ADAMTSL1: variants seen among roughly 807,000 people sequenced by gnomAD.
ADAMTSL1 encodes the protein ADAMTS like 1, also known as ADAMTS-like protein 1.
A neutral mutation model predicts 201.8 loss-of-function variants in ADAMTSL1; 126 were observed. The observed-to-expected ratio is 0.62, with a 90% CI of 0.54 to 0.72. The LOEUF is 0.72. Ranked by LOEUF, ADAMTSL1 falls within the 30% of genes least tolerant of loss-of-function variation. The probability of loss-of-function intolerance (pLI) is 0.00; values close to 1 mark genes in which losing one functional copy is unlikely to be tolerated. For missense variants in ADAMTSL1, 2,679 were observed against 2,277.8 expected (o/e 1.18, Z -3.59); for synonymous variants, 1,121 against 903.4 (o/e 1.24, Z -4.32).
intron 1 of ADAMTSL1, among the ~76,000 whole-genome samples, chr9:17,972,252 T>C (rs1380959096): frequency 7.2e-6 from 1 of 139,392 alleles, no homozygotes; most frequent in African/African-American, 2.6e-5. Context: ...CATGTTGGTG[T>C]GCTGCATCCA....
intron 2 of ADAMTSL1, among the ~76,000 whole-genome samples, chr9:18,458,060 A>C (rs1368477496): frequency 6.6e-6 from 1 of 152,178 alleles, no homozygotes. Flanking sequence ...CTTTCCTTTG[A>C]AGAAAGAAAT....
At chr9:18,113,131 T>G (rs1042454996) in intron 1 of ADAMTSL1, among the ~76,000 whole-genome samples, 1 of 152,068 alleles carries the variant, frequency 6.6e-6, no homozygotes, top group African/African-American at 2.4e-5. Context: ...AAGTAAGTCA[T>G]TTAGATACGA....
intron 20 of ADAMTSL1, among the ~76,000 whole-genome samples, chr9:18,805,787 C>G (rs1823076709): frequency 6.6e-6 from 1 of 152,204 alleles, no homozygotes; most frequent in Admixed American, 6.5e-5. Flanking sequence ...CAGGAAAACT[C>G]TGTCAGTCAT....
At chr9:18,179,043 C>T (rs1358826374) in intron 2 of ADAMTSL1, among the ~76,000 whole-genome samples, 3 of 152,226 alleles carry the variant, frequency 2.0e-5, no homozygotes, top group Non-Finnish European at 4.4e-5. Flanking sequence ...CTTTGACGAG[C>T]TGAGAGAAGA....
At chr9:18,770,912 C>A in intron 17 of ADAMTSL1, 131 bp downstream of exon 17, 2 of 1,000,810 alleles carry the variant, frequency 2.0e-6, no homozygotes, top group Non-Finnish European at 2.9e-6. Context: ...ATTTTTGTAA[C>A]CATATATACC....
chr9:18,268,965 A>G (rs1832245427), intron 2 of ADAMTSL1, among the ~76,000 whole-genome samples: 2 of 152,136 alleles, frequency 1.3e-5, no homozygotes, highest in African/African-American at 4.8e-5. Context: ...AAAGAACGCT[A>G]TTGTAAGCAA....
At chr9:18,330,928 G>C (rs1835004986) in intron 2 of ADAMTSL1, among the ~76,000 whole-genome samples, 1 of 152,194 alleles carries the variant, frequency 6.6e-6, no homozygotes, top group South Asian at 2.1e-4. Flanking sequence ...TGGATAAGCA[G>C]GATCTTGCTC....
intron 2 of ADAMTSL1, among the ~76,000 whole-genome samples, chr9:18,382,118 G>C (rs926035829): frequency 2.7e-5 from 4 of 150,208 alleles, no homozygotes; most frequent in Non-Finnish European, 5.9e-5. Flanking sequence ...AATTTTGACC[G>C]GGGGCAGGTA....
intron 14 of ADAMTSL1, among the ~76,000 whole-genome samples, chr9:18,714,106 A>G (rs1234598126): frequency 6.6e-6 from 1 of 152,246 alleles, no homozygotes; most frequent in Non-Finnish European, 1.5e-5. Flanking sequence ...GGCAGTGTGT[A>G]GAGGGAAATT....
At position 18,483,699 on chromosome 9, in the gene ADAMTSL1, T is replaced by C. The variant is rs188468839; in HGVS notation, c.63+9404T>C. Among the ~76,000 whole-genome samples, 1,194 of 152,060 alleles carry C rather than the reference T, an allele frequency of 7.9e-3. 15 individuals are homozygous for C. Among genetic ancestry groups the C allele is most frequent in the African/African-American group, 0.027 (1,128 of 41,464 alleles). On this transcript the variant is annotated intron_variant, in intron 1 of 28. Coordinates refer to ENST00000380548, the MANE Select transcript of ADAMTSL1 (RefSeq NM_001040272.6). ...AAAATTACCCGGGCATGGTGGCGGGTGCCTGTAGTCCCAGCTACTCGGGAT... is the reference window on the plus strand; with the variant it reads ...AAAATTACCCGGGCATGGTGGCGGGCGCCTGTAGTCCCAGCTACTCGGGAT...
At chr9:18,840,625 G>T (rs1825656029) in intron 23 of ADAMTSL1, among the ~76,000 whole-genome samples, 1 of 152,138 alleles carries the variant, frequency 6.6e-6, no homozygotes, top group African/African-American at 2.4e-5. Flanking sequence ...ATTACCTTTG[G>T]CAGTATGGAC....
intron 3 of ADAMTSL1, among the ~76,000 whole-genome samples, chr9:18,544,997 C>T (rs908890085): frequency 1.3e-5 from 2 of 152,170 alleles, no homozygotes; most frequent in African/African-American, 4.8e-5. Flanking sequence ...GCTAGCTCCA[C>T]GAGCTTAGGC....
intron 1 of ADAMTSL1, among the ~76,000 whole-genome samples, chr9:18,109,645 T>C (rs1824914203): frequency 6.6e-6 from 1 of 152,072 alleles, no homozygotes; most frequent in African/African-American, 2.4e-5. Flanking sequence ...AGATTCATGG[T>C]AATAACAAAA....
At chr9:17,997,463 A>G (rs1029744875) in intron 1 of ADAMTSL1, among the ~76,000 whole-genome samples, 5 of 152,232 alleles carry the variant, frequency 3.3e-5, no homozygotes, top group Non-Finnish European at 7.4e-5. Flanking sequence ...TAAACACTCT[A>G]GCCAGAAAAT....
intron 2 of ADAMTSL1, among the ~76,000 whole-genome samples, chr9:18,358,829 A>G (rs1299836429): frequency 6.6e-6 from 1 of 152,172 alleles, no homozygotes; most frequent in East Asian, 1.9e-4. Context: ...TAATGCTGCT[A>G]TGAACATTTG....
At chr9:18,611,152 G>A (rs1385648873) in intron 4 of ADAMTSL1, among the ~76,000 whole-genome samples, 1 of 152,158 alleles carries the variant, frequency 6.6e-6, no homozygotes, top group Non-Finnish European at 1.5e-5. Context: ...GGGAGTCTGA[G>A]CAGTGATGTC....
chr9:18,209,807 T>A (rs1189315137), intron 2 of ADAMTSL1, among the ~76,000 whole-genome samples: 2 of 152,150 alleles, frequency 1.3e-5, no homozygotes, highest in Non-Finnish European at 2.9e-5. Context: ...ATTTTGTTAA[T>A]TGGTGACTTT....
At chr9:18,805,537 C>T (rs146719352) in intron 20 of ADAMTSL1, among the ~76,000 whole-genome samples, 27 of 152,290 alleles carry the variant, frequency 1.8e-4, no homozygotes, top group African/African-American at 6.3e-4. Flanking sequence ...GCTTTGCATG[C>T]ATCCATTTAC....
rs182233511 is a variant in ADAMTSL1 at position 18,569,400 on chromosome 9, C to T, written c.238-4630C>T. Among the ~76,000 whole-genome samples the T allele has an allele frequency of 3.4e-3, 517 of 152,198 alleles. 4 individuals carry two copies. Among genetic ancestry groups the T allele is most frequent in the Non-Finnish European group, 5.5e-3 (372 of 68,022 alleles). ...TATTAAATGGCTAAATACAGTAATTCGTGGGATCATGTTATTATTTCACAG... is the reference window on the plus strand; with the variant it reads ...TATTAAATGGCTAAATACAGTAATTTGTGGGATCATGTTATTATTTCACAG... On this transcript the variant is annotated intron_variant, in intron 3 of 28. Coordinates refer to ENST00000380548, the MANE Select transcript of ADAMTSL1 (RefSeq NM_001040272.6).
Sources: gnomAD v4.1 joint callset for allele counts (sites outside exome capture counted in the v4.1 genomes callset) on GRCh38, gnomAD v4.1.1 for gene constraint, MANE v1.5 for transcripts, NCBI Gene and HGNC (gene_info 2026-07-23, HGNC 2026-07-21) for gene names.